RBFOX1: variants seen among roughly 807,000 people sequenced by gnomAD.
RBFOX1 encodes the protein RNA binding protein fox-1 homolog 1.
In RBFOX1, 8 loss-of-function variants were observed where a neutral mutation model predicts 57.7. The ratio of observed to expected loss-of-function variants is 0.14; its 90% CI spans 0.08 to 0.25. RBFOX1 has a LOEUF of 0.25. RBFOX1 is among the 10% of genes least tolerant of loss of function. The pLI, the probability that RBFOX1 is intolerant of heterozygous loss-of-function variation, is 1.00. For synonymous variants in RBFOX1, 326 were observed against 222.4 expected (o/e 1.47, Z -4.15); for missense variants, 611 against 548.5 (o/e 1.11, Z -1.14).
chr16:6,744,025 C>A (rs947412412), intron 3 of RBFOX1, among the ~76,000 whole-genome samples: 91 of 151,898 alleles, frequency 6.0e-4, no homozygotes, highest in Admixed American at 2.3e-3. Flanking sequence ...AAGTGTATTT[C>A]TTTCCTTTAA....
intron 1 of RBFOX1, among the ~76,000 whole-genome samples, chr16:6,246,902 C>G (rs1288478697): frequency 2.0e-5 from 3 of 152,086 alleles, no homozygotes; most frequent in Non-Finnish European, 4.4e-5. Context: ...AACCCTGTCT[C>G]TACTAAAAAT....
At chr16:7,235,650 G>C (rs1487978334) in intron 4 of RBFOX1, among the ~76,000 whole-genome samples, 3 of 152,230 alleles carry the variant, frequency 2.0e-5, no homozygotes, top group African/African-American at 7.2e-5. Context: ...GGATGAATAT[G>C]ATGCCTCCCT....
At chr16:7,296,523 A>C (rs1174017294) in intron 4 of RBFOX1, among the ~76,000 whole-genome samples, 3 of 152,186 alleles carry the variant, frequency 2.0e-5, no homozygotes, top group Admixed American at 6.5e-5. Context: ...CCCATTTTAC[A>C]GATGAAAAAA....
At chr16:6,649,197 G>C (rs1229126626) in intron 2 of RBFOX1, among the ~76,000 whole-genome samples, 1 of 152,116 alleles carries the variant, frequency 6.6e-6, no homozygotes, top group East Asian at 1.9e-4. Context: ...TGCAGTATTT[G>C]TCTTTCTGTA....
intron 1 of RBFOX1, among the ~76,000 whole-genome samples, chr16:5,442,196 G>T (rs2068105358): frequency 1.3e-5 from 2 of 152,228 alleles, no homozygotes; most frequent in African/African-American, 4.8e-5. Flanking sequence ...AGTAGAAGAT[G>T]ATTTAGTGGG....
intron 2 of RBFOX1, among the ~76,000 whole-genome samples, chr16:6,557,020 T>C (rs868786430): frequency 3.6e-4 from 45 of 124,528 alleles, no homozygotes; most frequent in Middle Eastern, 3.9e-3. Context: ...TATATACATA[T>C]ATATACATAT....
chr16:7,527,280 G>A (rs1429869192), intron 5 of RBFOX1, among the ~76,000 whole-genome samples: 1 of 152,056 alleles, frequency 6.6e-6, no homozygotes, highest in African/African-American at 2.4e-5. Context: ...ATGGCCCTTG[G>A]CTTTCAGGAT....
intron 2 of RBFOX1, among the ~76,000 whole-genome samples, chr16:5,503,831 C>T (rs987456826): frequency 3.3e-5 from 5 of 152,208 alleles, no homozygotes; most frequent in African/African-American, 2.4e-5. Context: ...CAAAGAAACT[C>T]TCTACTCTTA....
At chr16:6,771,949 G>C (rs1279106967) in intron 3 of RBFOX1, among the ~76,000 whole-genome samples, 1 of 152,074 alleles carries the variant, frequency 6.6e-6, no homozygotes, top group African/African-American at 2.4e-5. Flanking sequence ...GCATTGTGTA[G>C]AATAGCTATA....
chr16:7,304,399 C>T (rs1042087850), intron 4 of RBFOX1: 2 of 985,426 alleles, frequency 2.0e-6, no homozygotes, highest in Non-Finnish European at 2.4e-6. Flanking sequence ...GCAGCATCCT[C>T]TGACGGGGGC....
chr16:6,234,895 G>C (rs552372615), intron 1 of RBFOX1, among the ~76,000 whole-genome samples: 5 of 152,246 alleles, frequency 3.3e-5, no homozygotes, highest in Admixed American at 2.6e-4. Flanking sequence ...CGGTTTCCTT[G>C]TTTGGATATT....
chr16:7,386,396 C>G (rs1420034033), intron 4 of RBFOX1, among the ~76,000 whole-genome samples: 6 of 138,302 alleles, frequency 4.3e-5, no homozygotes, highest in Non-Finnish European at 7.7e-5. Flanking sequence ...CACCCCCCAA[C>G]AGGCCCCAGT....
intron 2 of RBFOX1, among the ~76,000 whole-genome samples, chr16:6,589,435 C>T (rs867281534): frequency 6.6e-6 from 1 of 152,170 alleles, no homozygotes; most frequent in Admixed American, 6.5e-5. Context: ...GAAGTGCTGA[C>T]TGGTCAGGTT....
intron 3 of RBFOX1, among the ~76,000 whole-genome samples, chr16:5,855,783 A>G (rs1435242591): frequency 6.6e-6 from 1 of 151,892 alleles, no homozygotes; most frequent in Non-Finnish European, 1.5e-5. Context: ...TTTGATAGGG[A>G]TCATACTGAC....
rs117211866 is a variant in RBFOX1, at chr16:6,048,533, T to G, written c.-127+28541T>G. On this transcript the variant is annotated intron_variant, in intron 1 of 15. Coordinates refer to ENST00000550418, the MANE Select transcript of RBFOX1 (RefSeq NM_018723.4). Reference sequence around the variant, plus strand: ...TTCAAATGATGCATCGTGGAAAGGTTATTATTAATAAAGGTAGCATTAAAA... The same window carrying G: ...TTCAAATGATGCATCGTGGAAAGGTGATTATTAATAAAGGTAGCATTAAAA... Among the ~76,000 whole-genome samples the G allele has an allele frequency of 9.2e-3, 1,398 of 152,286 alleles. 15 individuals carry two copies. Among genetic ancestry groups the G allele is most frequent in the Admixed American group, 0.022 (330 of 15,292 alleles).
At chr16:7,580,270 C>G (rs748774306) in intron 6 of RBFOX1, among the ~76,000 whole-genome samples, 2 of 152,146 alleles carry the variant, frequency 1.3e-5, no homozygotes, top group Non-Finnish European at 2.9e-5. Context: ...AAATACACAT[C>G]GAGTCCTCTT....
At chr16:7,612,733 A>G (rs1189358435) in intron 10 of RBFOX1, among the ~76,000 whole-genome samples, 1 of 152,234 alleles carries the variant, frequency 6.6e-6, no homozygotes, top group African/African-American at 2.4e-5. Flanking sequence ...ATCAAAATAA[A>G]TAACAGAAGG....
upstream of RBFOX1, among the ~76,000 whole-genome samples, chr16:6,016,878 A>G (rs1036441174): frequency 6.6e-6 from 1 of 152,224 alleles, no homozygotes; most frequent in Non-Finnish European, 1.5e-5. Flanking sequence ...CCAAATGAAT[A>G]GCATAATGGC....
At chr16:6,882,020 A>T (rs1474131851) in intron 3 of RBFOX1, among the ~76,000 whole-genome samples, 1 of 152,018 alleles carries the variant, frequency 6.6e-6, no homozygotes, top group African/African-American at 2.4e-5. Context: ...ATCACCAAAG[A>T]CTCTAGACTT....
Sources: gnomAD v4.1 joint callset for allele counts (sites outside exome capture counted in the v4.1 genomes callset) on GRCh38, gnomAD v4.1.1 for gene constraint, MANE v1.5 for transcripts, NCBI Gene and HGNC (gene_info 2026-07-23, HGNC 2026-07-21) for gene names.